Variants in SNAP25 observed in about 807,000 individuals in gnomAD.
SNAP25 encodes the protein synaptosome associated protein 25, also known as synaptosomal-associated protein 25.
Under a neutral mutation model 28.7 loss-of-function variants are expected in SNAP25, and 3 were observed. That is an observed-to-expected ratio of 0.10 (90% CI 0.05 to 0.27). SNAP25 has a LOEUF of 0.27. Among genes scored for constraint, SNAP25 ranks in the 10% least tolerant of loss-of-function variants. SNAP25 has a pLI of 1.00. For synonymous variants in SNAP25, 61 were observed against 88.1 expected, an observed-to-expected ratio of 0.69 and a Z score of 1.72; for missense variants, 117 against 278.7, an observed-to-expected ratio of 0.42 and a Z score of 4.13.
intron 1 of SNAP25, among the ~76,000 whole-genome samples, chr20:10,260,925 A>C (rs967136005): frequency 1.3e-5 from 2 of 152,158 alleles, no homozygotes; most frequent in Non-Finnish European, 2.9e-5. Context: ...CAGAAATGTG[A>C]GCTCCTGATA....
At chr20:10,296,138 T>G (rs773169945) in intron 5 of SNAP25, 1 of 152,234 alleles carries the variant, frequency 6.6e-6, no homozygotes, top group Non-Finnish European at 1.5e-5. Context: ...TGCCTGTAGC[T>G]GGTGCATGAA....
chr20:10,301,314 A>G (rs898524672), intron 7 of SNAP25, among the ~76,000 whole-genome samples: 36 of 152,188 alleles, frequency 2.4e-4, no homozygotes, highest in Non-Finnish European at 1.3e-4. Flanking sequence ...GACTATTTCA[A>G]TTTGTATCAT....
chr20:10,294,452 T>C, intron 5 of SNAP25, among the ~76,000 whole-genome samples: 1 of 152,212 alleles, frequency 6.6e-6, no homozygotes, highest in South Asian at 2.1e-4. Context: ...TCTTGCTCCC[T>C]TCCATTTTTA....
intron 5 of SNAP25, 158 bp from the exon 6 acceptor site, chr20:10,296,767 C>A: frequency 2.0e-6 from 2 of 1,017,980 alleles, no homozygotes; most frequent in Non-Finnish European, 2.8e-6. Context: ...ATGGTGGTGG[C>A]CAACTGTTTG....
At chr20:10,305,470 C>A (rs559576417) in intron 7 of SNAP25, among the ~76,000 whole-genome samples, 57 of 152,164 alleles carry the variant, frequency 3.7e-4, no homozygotes, top group African/African-American at 1.3e-3. Context: ...TGAGCCCAGG[C>A]AGTCAAGGGT....
At position 10,226,313 on chromosome 20, in the gene SNAP25, C is replaced by T. The variant is rs575482281; in HGVS notation, c.-64+7336C>T. Among the ~76,000 whole-genome samples the T allele has an allele frequency of 2.0e-5, 3 of 152,218 alleles. No homozygotes were observed. The South Asian group carries it at 6.2e-4, about 32-fold the overall frequency. ...AATTTTTTATTTTAATGGGAAAGTC[C>T]ATTCCTAATTTATGCCAGAGAAATT... On this transcript the variant is annotated intron_variant, in intron 1 of 7. Transcript: ENST00000254976.
At chr20:10,250,643 A>G (rs982396714) in intron 1 of SNAP25, among the ~76,000 whole-genome samples, 2 of 152,198 alleles carry the variant, frequency 1.3e-5, no homozygotes, top group African/African-American at 4.8e-5. Flanking sequence ...AACATGCTCA[A>G]ATTAATTTGA....
At chr20:10,280,309 G>A (rs1352545316) in intron 3 of SNAP25, among the ~76,000 whole-genome samples, 2 of 152,296 alleles carry the variant, frequency 1.3e-5, no homozygotes, top group East Asian at 3.9e-4. Flanking sequence ...ACAGAGGTGA[G>A]TGGAGAAAGT....
intron 7 of SNAP25, among the ~76,000 whole-genome samples, chr20:10,304,664 G>C (rs776940163): frequency 3.3e-5 from 5 of 152,148 alleles, no homozygotes; most frequent in Non-Finnish European, 7.4e-5. Context: ...ACTTTTTCTT[G>C]AAATGTCGTG....
chr20:10,240,639 C>T (rs1359201380), intron 1 of SNAP25, among the ~76,000 whole-genome samples: 2 of 152,170 alleles, frequency 1.3e-5, no homozygotes, highest in Non-Finnish European at 2.9e-5. Flanking sequence ...TACAGAGAGC[C>T]TTGGTCCACA....
chr20:10,235,023 T>C (rs868296619), intron 1 of SNAP25, among the ~76,000 whole-genome samples: 2 of 152,318 alleles, frequency 1.3e-5, no homozygotes, highest in Admixed American at 6.5e-5. Context: ...AACTGGACCA[T>C]GCCACTGCAT....
Position 10,293,042 on chromosome 20 carries a change from C to A in SNAP25, c.164-119C>A. ...GCTCTAATCTGTGGCGTCCAGTTTT[C>A]TTTCTTTTTTTTTTTTTCTTTTTTA... On this transcript the variant is annotated intron_variant, in intron 4 of 7. Coordinates refer to ENST00000254976, the MANE Select transcript of SNAP25 (RefSeq NM_130811.4). This position sits in a 1 kb window ranked among gnomAD's most constrained non-coding sequence, Gnocchi z 5.6. 1 of 1,401,132 alleles carries A rather than the reference C, an allele frequency of 7.1e-7. No homozygotes were observed. Among genetic ancestry groups the A allele is most frequent in the Non-Finnish European group, 9.7e-7 (1 of 1,026,814 alleles). 86.8% of individuals were successfully genotyped at this position (1,401,132 alleles called of 1,614,324 possible).
chr20:10,289,338 G>A (rs188356576), intron 4 of SNAP25, among the ~76,000 whole-genome samples: 62 of 152,192 alleles, frequency 4.1e-4, no homozygotes, highest in African/African-American at 1.4e-3. Flanking sequence ...TGTTCCTTTT[G>A]CTGGTCTTTG....
chr20:10,259,491 T>A (rs910580106), intron 1 of SNAP25, among the ~76,000 whole-genome samples: 7 of 152,222 alleles, frequency 4.6e-5, no homozygotes, highest in Non-Finnish European at 7.3e-5. Context: ...TGCAATTAGA[T>A]TCTGAGGAAC....
intron 1 of SNAP25, among the ~76,000 whole-genome samples, chr20:10,251,882 C>G (rs1458042618): frequency 6.6e-6 from 1 of 152,158 alleles, no homozygotes; most frequent in African/African-American, 2.4e-5. Flanking sequence ...AATCTCAAAT[C>G]TGGGGAGATG....
intron 1 of SNAP25, among the ~76,000 whole-genome samples, chr20:10,271,962 A>G (rs1367959029): frequency 1.3e-5 from 2 of 152,150 alleles, no homozygotes; most frequent in Non-Finnish European, 2.9e-5. Flanking sequence ...GTGGGGCCAG[A>G]AGGCACTCTT....
At chr20:10,278,088 T>C in intron 3 of SNAP25, 1 of 168,464 alleles carries the variant, frequency 5.9e-6, no homozygotes, top group Non-Finnish European at 1.3e-5. Flanking sequence ...GTAATTATTT[T>C]TGTGCCTATA....
At chr20:10,296,833 C>T (rs2064122541) in intron 5 of SNAP25, 92 bp from the exon 6 acceptor site, 4 of 1,584,768 alleles carry the variant, frequency 2.5e-6, no homozygotes, top group South Asian at 1.1e-5. Context: ...AACTCATTCG[C>T]TTGGTTCGAT....
In SNAP25 at chr20:10,261,699, A is replaced by T. The variant is rs2063416987; in HGVS notation, c.-63-13730A>T. Among the ~76,000 whole-genome samples, 3 of 152,216 alleles carry T rather than the reference A, an allele frequency of 2.0e-5. 1 individual carries two copies. The South Asian group carries it at 6.2e-4, about 31-fold the overall frequency. ...TGAGGCTAGGTTTGAAAGGTGCGTT[A>T]AAATCAATGATTTTAAAAAGACTTA... On this transcript the variant is annotated intron_variant, in intron 1 of 7. Coordinates refer to ENST00000254976, the MANE Select transcript of SNAP25 (RefSeq NM_130811.4).
Sources: gnomAD v4.1 joint callset for allele counts (sites outside exome capture counted in the v4.1 genomes callset) on GRCh38, gnomAD v4.1.1 for gene constraint, Gnocchi (gnomAD v3.1) non-coding constraint, MANE v1.5 for transcripts, NCBI Gene and HGNC (gene_info 2026-07-23, HGNC 2026-07-21) for gene names.